Variants in NONO observed in about 807,000 individuals in gnomAD.
The protein encoded by NONO is non-POU domain containing octamer binding, also known as non-POU domain-containing octamer-binding protein.
Under a neutral mutation model 40.2 loss-of-function variants are expected in NONO, and 6 were observed. The ratio of observed to expected loss-of-function variants is 0.15; its 90% CI spans 0.08 to 0.29. The LOEUF is 0.29. Ranked by LOEUF, NONO falls within the 10% of genes least tolerant of loss-of-function variation. The pLI is 1.00. For missense variants in NONO, 133 were observed against 397.8 expected, an observed-to-expected ratio of 0.33 and a Z score of 5.66; for synonymous variants, 89 against 123.3, an observed-to-expected ratio of 0.72 and a Z score of 1.85.
intron 7 of NONO, 114 bp downstream of exon 7, chrX:71,297,161 C>A: frequency 2.6e-6 from 2 of 763,480 alleles, no homozygotes; most frequent in Non-Finnish European, 3.7e-6. Flanking sequence ...ACTTAGTTTG[C>A]GTTGATTTTG....
chrX:71,288,119 C>CTTTTTT (rs41517053), intron 2 of NONO, among the ~76,000 whole-genome samples: 34 of 53,855 alleles, frequency 6.3e-4, no homozygotes, highest in East Asian at 8.1e-4. Flanking sequence ...TTATTTTTAT[C>CTTTTTT]TTTTTTTTTT....
At chrX:71,292,234 G>A (rs2031342583) in intron 4 of NONO, 1 of 183,284 alleles carries the variant, frequency 5.5e-6, no homozygotes, top group Non-Finnish European at 9.9e-6. Context: ...TATCACTCTT[G>A]TGGCCCAGGC....
chrX:71,298,199 C>T (rs2031495437), intron 9 of NONO: 1 of 439,029 alleles, frequency 2.3e-6, no homozygotes, highest in Non-Finnish European at 4.0e-6. Flanking sequence ...TAGTCCTCTG[C>T]TGTCCTTGCA....
In NONO at chrX:71,298,721, AACAACAG is replaced by A; in HGVS notation, c.1188_1194del (p.Asn396LysfsTer22). 1 of 1,208,734 alleles carries A rather than the reference AACAACAG, an allele frequency of 8.3e-7. No individual in the cohort carries two copies. Among genetic ancestry groups the A allele is most frequent in the Non-Finnish European group, 1.1e-6 (1 of 893,449 alleles). On this transcript the variant is annotated frameshift_variant, in exon 11 of 12. Coordinates refer to ENST00000276079, the MANE Select transcript of NONO (RefSeq NM_007363.5). LOFTEE classifies it high-confidence loss of function. ...CTCTGCCTTAGGTGCTATGGGCATAAACAACAGAGGTGCCATGCCCCCTGCTCCTGTG... is the reference window on the plus strand; with the variant it reads ...CTCTGCCTTAGGTGCTATGGGCATAAAGGTGCCATGCCCCCTGCTCCTGTG...
intron 4 of NONO, chrX:71,292,982 A>G (rs1029532249): frequency 8.9e-6 from 1 of 112,420 alleles, no homozygotes; most frequent in Non-Finnish European, 1.9e-5. Context: ...GGTAAAACAT[A>G]CATAACATAA....
At chrX:71,294,651 C>T in intron 5 of NONO, 123 bp downstream of exon 5, 2 of 691,467 alleles carry the variant, frequency 2.9e-6, no homozygotes, top group Non-Finnish European at 4.2e-6. Context: ...GGCATGGTGG[C>T]TGACTCCTGT....
chrX:71,294,139 A>T, intron 4 of NONO, 88 bp from the exon 5 acceptor site: 1 of 889,217 alleles, frequency 1.1e-6, no homozygotes, highest in Non-Finnish European at 1.6e-6. Context: ...TTCCGGGGAG[A>T]TATTGAACTA....
At chrX:71,285,421 A>G (rs1470064386) in intron 2 of NONO, among the ~76,000 whole-genome samples, 2 of 111,844 alleles carry the variant, frequency 1.8e-5, no homozygotes, top group Non-Finnish European at 3.8e-5. Flanking sequence ...AATCCTTACA[A>G]CTTTTTGAGA....
chrX:71,298,639 G>GT, intron 10 of NONO, 68 bp from the exon 11 acceptor site: 1 of 1,098,773 alleles, frequency 9.1e-7, no homozygotes, highest in Non-Finnish European at 1.3e-6. Flanking sequence ...TTGTTGAATT[G>GT]TTTCCTTTGG....
At chrX:71,293,993 T>C (rs1234431830) in intron 4 of NONO, 2 of 392,749 alleles carry the variant, frequency 5.1e-6, no homozygotes, top group Non-Finnish European at 8.8e-6. Flanking sequence ...AAATTGATGA[T>C]CACCTAAGTG....
chrX:71,290,540 A>T, intron 2 of NONO, 89 bp from the exon 3 acceptor site: 1 of 710,926 alleles, frequency 1.4e-6, no homozygotes, highest in South Asian at 2.6e-5. Flanking sequence ...AGAGCACTTA[A>T]GGTGATGAAT....
In NONO at chrX:71,300,156, T is replaced by C. The variant is rs1268828941; in HGVS notation, c.*80T>C. The C allele has an allele frequency of 1.8e-6, 2 of 1,089,672 alleles. No individual in the cohort carries two copies. The highest frequency in any genetic ancestry group is 3.7e-5 in the African/African-American group (2 of 54,649). The allele number at this position is 1,089,672 out of a possible 1,213,427, so 89.8% of individuals were successfully genotyped here. ...TAGCCAGAATTCTACCCTGGAAAAG[T>C]GTTAGGGATTCCTTCCAATAGTTAG... On this transcript the variant is annotated 3_prime_UTR_variant, in exon 12 of 12. Transcript: ENST00000276079.
intron 6 of NONO, 94 bp downstream of exon 6, chrX:71,296,754 G>A: frequency 1.9e-6 from 2 of 1,030,423 alleles, no homozygotes; most frequent in Non-Finnish European, 2.7e-6. Context: ...TGCTGCACAT[G>A]TTCACTGGCA....
chrX:71,296,479 C>A, intron 5 of NONO, 86 bp from the exon 6 acceptor site: 1 of 628,923 alleles, frequency 1.6e-6, no homozygotes, highest in Non-Finnish European at 2.4e-6. Flanking sequence ...TGAGCCCTAG[C>A]TAATTCATTG....
At position 71,300,391 on chromosome X, in the gene NONO, T is replaced by TG; in HGVS notation, c.*315_*316insG. The TG allele has an allele frequency of 6.8e-6, 2 of 292,967 alleles. No individual in the cohort carries two copies. The highest frequency in any genetic ancestry group is 1.2e-5 in the Non-Finnish European group (2 of 167,023). The allele number at this position is 292,967 out of a possible 1,213,427, so 24.1% of individuals were successfully genotyped here. ...CCATTAATCTTGATCATTCCGGTTTTTTTTTTTTTTGTCCATCTTGTTTCA... is the reference window on the plus strand; with the variant it reads ...CCATTAATCTTGATCATTCCGGTTTTGTTTTTTTTTTGTCCATCTTGTTTCA... On this transcript the variant is annotated 3_prime_UTR_variant, in exon 12 of 12. Transcript: ENST00000276079.
intron 4 of NONO, chrX:71,293,926 G>A (rs765218478): frequency 6.7e-4 from 189 of 283,691 alleles, no homozygotes; most frequent in Admixed American, 1.7e-3. Flanking sequence ...CACCGTACCC[G>A]GCCAATGGTC....
intron 5 of NONO, 73 bp downstream of exon 5, chrX:71,294,601 A>G: frequency 1.0e-6 from 1 of 991,316 alleles, no homozygotes; most frequent in African/African-American, 1.9e-5. Flanking sequence ...GTTAGCCTCT[A>G]GTAACCACTT....
At chrX:71,296,711 C>G (rs757752875) in intron 6 of NONO, 51 bp downstream of exon 6, 6 of 1,027,098 alleles carry the variant, frequency 5.8e-6, no homozygotes, top group African/African-American at 3.8e-5. Context: ...CTTAAGAAAG[C>G]TTATAAAGGG....
intron 6 of NONO, 79 bp from the exon 7 acceptor site, chrX:71,296,772 T>C (rs1291359269): frequency 1.9e-6 from 2 of 1,067,132 alleles, no homozygotes; most frequent in East Asian, 6.1e-5. Context: ...GCAGCCATTA[T>C]CTTGGTCCTC....
Sources: gnomAD v4.1 joint callset for allele counts (sites outside exome capture counted in the v4.1 genomes callset) on GRCh38, gnomAD v4.1.1 for gene constraint, MANE v1.5 for transcripts, NCBI Gene and HGNC (gene_info 2026-07-23, HGNC 2026-07-21) for gene names.